Variants in EXOC6B observed in about 807,000 individuals in gnomAD.
EXOC6B encodes the protein exocyst complex component 6B.
EXOC6B carries 54 observed loss-of-function variants against 113.5 expected under a neutral mutation model. The observed-to-expected ratio is 0.48, with a 90% confidence interval of 0.38 to 0.60. EXOC6B has a LOEUF of 0.60. EXOC6B is among the 20% of genes least tolerant of loss of function. The probability of loss-of-function intolerance (pLI) is 0.00; values close to 1 mark genes in which losing one functional copy is unlikely to be tolerated. For synonymous variants in EXOC6B, 357 were observed against 339.0 expected (o/e 1.05, Z -0.58); for missense variants, 797 against 977.5 (o/e 0.82, Z 2.46).
At chr2:72,385,133 A>G (rs1466691782) in intron 18 of EXOC6B, among the ~76,000 whole-genome samples, 1 of 152,180 alleles carries the variant, frequency 6.6e-6, no homozygotes, top group African/African-American at 2.4e-5. Flanking sequence ...ATAGTAATCA[A>G]GACAGTATGG....
intron 6 of EXOC6B, among the ~76,000 whole-genome samples, chr2:72,635,528 G>C (rs1398069406): frequency 6.6e-6 from 1 of 152,086 alleles, no homozygotes; most frequent in East Asian, 1.9e-4. Context: ...TAGATAATTT[G>C]AATAGTCCTA....
intron 18 of EXOC6B, among the ~76,000 whole-genome samples, chr2:72,401,473 A>C (rs1051332475): frequency 1.5e-5 from 2 of 130,068 alleles, no homozygotes; most frequent in Non-Finnish European, 1.6e-5. Context: ...TAAAAAAAAA[A>C]CACAGAAAAT....
At chr2:72,734,922 C>G (rs1680854390) in intron 2 of EXOC6B, among the ~76,000 whole-genome samples, 1 of 152,182 alleles carries the variant, frequency 6.6e-6, no homozygotes, top group African/African-American at 2.4e-5. Context: ...ATAAACCAAA[C>G]TTAAACAATG....
chr2:72,313,338 A>G (rs144175596), intron 20 of EXOC6B, among the ~76,000 whole-genome samples: 1,743 of 152,270 alleles, frequency 0.011, 35 homozygotes, highest in African/African-American at 0.039. Context: ...CCCATCTGAC[A>G]AACCTGCACA....
intron 20 of EXOC6B, 124 bp from the exon 21 acceptor site, chr2:72,184,311 T>C (rs1678281015): frequency 1.8e-6 from 1 of 560,600 alleles, no homozygotes; most frequent in Non-Finnish European, 3.2e-6. Context: ...TAAAATATAA[T>C]AAGAAAAAGA....
intron 2 of EXOC6B, 121 bp from the exon 3 acceptor site, chr2:72,733,239 A>G (rs1680750620): frequency 2.8e-6 from 2 of 709,224 alleles, no homozygotes; most frequent in Admixed American, 4.7e-5. Context: ...GTACTCCACT[A>G]CATATTGGTC....
intron 20 of EXOC6B, among the ~76,000 whole-genome samples, chr2:72,242,562 C>CA (rs1281357356): frequency 3.3e-5 from 5 of 151,510 alleles, no homozygotes; most frequent in Non-Finnish European, 4.4e-5. Flanking sequence ...GAATGAAAGA[C>CA]AAAAAAAGGA....
chr2:72,682,307 A>AT (rs1676764201), intron 6 of EXOC6B, among the ~76,000 whole-genome samples: 1 of 152,172 alleles, frequency 6.6e-6, no homozygotes. Flanking sequence ...TACTGACATT[A>AT]TTTTTTCCAT....
intron 6 of EXOC6B, among the ~76,000 whole-genome samples, chr2:72,579,741 A>C (rs1024261410): frequency 1.3e-5 from 2 of 152,196 alleles, no homozygotes; most frequent in African/African-American, 4.8e-5. Flanking sequence ...CAAAAGCTAA[A>C]GGCTCCTGAC....
At chr2:72,260,319 G>A (rs1485305336) in intron 20 of EXOC6B, among the ~76,000 whole-genome samples, 4 of 152,172 alleles carry the variant, frequency 2.6e-5, no homozygotes, top group Admixed American at 1.3e-4. Context: ...AGGTGAGGTT[G>A]ATGAGGGCAT....
intron 20 of EXOC6B, among the ~76,000 whole-genome samples, chr2:72,275,490 A>G (rs137886222): frequency 6.6e-6 from 1 of 152,314 alleles, no homozygotes; most frequent in Non-Finnish European, 1.5e-5. Context: ...TCAGAAATCA[A>G]TTCACAAAGT....
intron 1 of EXOC6B, among the ~76,000 whole-genome samples, chr2:72,802,324 C>CAAAA (rs200155351): frequency 9.7e-6 from 1 of 102,758 alleles, no homozygotes; most frequent in Non-Finnish European, 2.0e-5. Flanking sequence ...GACTCTGTCT[C>CAAAA]AAAAAAAAAA....
intron 20 of EXOC6B, among the ~76,000 whole-genome samples, chr2:72,245,267 T>C: frequency 6.6e-6 from 1 of 152,172 alleles, no homozygotes; most frequent in East Asian, 1.9e-4. Context: ...ATGGTGGGTA[T>C]TGGGAAAAGA....
intron 13 of EXOC6B, among the ~76,000 whole-genome samples, chr2:72,498,066 G>A (rs762003136): frequency 6.6e-6 from 1 of 152,174 alleles, no homozygotes; most frequent in African/African-American, 2.4e-5. Flanking sequence ...ATTCCTAAGT[G>A]CTCAAATGTT....
At chr2:72,462,928 T>C (rs1411491328) in intron 18 of EXOC6B, 1 of 152,150 alleles carries the variant, frequency 6.6e-6, no homozygotes, top group Non-Finnish European at 1.5e-5. Context: ...AAATTTCAAA[T>C]AGATGTTCTT....
In EXOC6B at chr2:72,397,660, T is replaced by TAAAATAAAATAAAAATA. The variant is rs146573352; in HGVS notation, c.1981-17791_1981-17790insTATTTTTATTTTATTTT. ...TAAAATAAAATAAAATAAAATAAAA[T>TAAAATAAAATAAAAATA]TATATATATATACACTCATATATTC... On this transcript the variant is annotated intron_variant, in intron 18 of 21. Transcript: ENST00000272427. Among the ~76,000 whole-genome samples, 22 of 139,850 alleles carry TAAAATAAAATAAAAATA rather than the reference T, an allele frequency of 1.6e-4. 1 individual carries two copies. The highest frequency in any genetic ancestry group is 3.5e-4 in the Admixed American group (5 of 14,418). The allele number at this position is 139,850 out of a possible 152,430, so 91.7% of individuals were successfully genotyped here. A position where few individuals can be genotyped will look rare whatever the true frequency, so the allele number is the denominator to read the frequency against.
At chr2:72,457,522 A>G (rs1697315226) in intron 18 of EXOC6B, among the ~76,000 whole-genome samples, 2 of 152,124 alleles carry the variant, frequency 1.3e-5, no homozygotes, top group Non-Finnish European at 2.9e-5. Flanking sequence ...CAACAGACAG[A>G]GAAAACAAAT....
chr2:72,206,898 C>CA (rs968641653), intron 20 of EXOC6B, among the ~76,000 whole-genome samples: 5 of 151,478 alleles, frequency 3.3e-5, no homozygotes, highest in African/African-American at 9.7e-5. Context: ...ATGCTTTTTG[C>CA]AAAAAAAATT....
intron 20 of EXOC6B, among the ~76,000 whole-genome samples, chr2:72,219,146 A>C (rs928789869): frequency 5.3e-5 from 8 of 152,094 alleles, no homozygotes; most frequent in Admixed American, 5.2e-4. Context: ...GATTCCTAAG[A>C]CCAGAGAAGA....
Sources: allele counts gnomAD v4.1 joint callset (sites outside exome capture counted in the v4.1 genomes callset), GRCh38; gene constraint gnomAD v4.1.1; transcripts MANE v1.5; gene names NCBI Gene and HGNC (gene_info 2026-07-23, HGNC 2026-07-21).